ITGBL1: variants seen among roughly 807,000 people sequenced by gnomAD.
ITGBL1 encodes the protein integrin beta-like protein 1.
Under a neutral mutation model 68.5 loss-of-function variants are expected in ITGBL1, and 51 were observed. That is an observed-to-expected ratio of 0.74 (90% CI 0.59 to 0.94). The LOEUF (loss-of-function observed/expected upper bound fraction) is 0.94. Ranked by LOEUF, ITGBL1 falls within the 40% of genes least tolerant of loss-of-function variation. The probability of loss-of-function intolerance (pLI) is 0.00; values close to 1 mark genes in which losing one functional copy is unlikely to be tolerated. For missense variants in ITGBL1, 649 were observed against 647.4 expected (o/e 1.00, Z -0.03); for synonymous variants, 209 against 227.3 (o/e 0.92, Z 0.72).
At chr13:101,534,927 T>C (rs1279135617) in intron 2 of ITGBL1, among the ~76,000 whole-genome samples, 1 of 152,090 alleles carries the variant, frequency 6.6e-6, no homozygotes, top group Non-Finnish European at 1.5e-5. Flanking sequence ...CATAAGATGT[T>C]CTGGTGGTGC....
At chr13:101,542,439 G>A (rs1020655052) in intron 2 of ITGBL1, among the ~76,000 whole-genome samples, 21 of 152,122 alleles carry the variant, frequency 1.4e-4, no homozygotes, top group South Asian at 2.1e-4. Context: ...TGTAATTTCC[G>A]TTCTTTTACA....
chr13:101,603,104 A>G (rs2030490464), intron 7 of ITGBL1, among the ~76,000 whole-genome samples: 1 of 151,896 alleles, frequency 6.6e-6, no homozygotes, highest in Non-Finnish European at 1.5e-5. Flanking sequence ...TGTGAGTGGA[A>G]TTGCTGGGTC....
At chr13:101,702,948 C>G (rs186566715) in intron 8 of ITGBL1, among the ~76,000 whole-genome samples, 8 of 152,264 alleles carry the variant, frequency 5.3e-5, no homozygotes, top group Non-Finnish European at 1.0e-4. Flanking sequence ...TGGCTCTACT[C>G]TACAGTTTGA....
At chr13:101,650,545 T>C (rs754620876) in intron 7 of ITGBL1, among the ~76,000 whole-genome samples, 1 of 152,064 alleles carries the variant, frequency 6.6e-6, no homozygotes, top group South Asian at 2.1e-4. Flanking sequence ...TGATTTAAAA[T>C]GCAAATTTTG....
chr13:101,481,108 G>A (rs1174911374), intron 2 of ITGBL1, among the ~76,000 whole-genome samples: 1 of 140,216 alleles, frequency 7.1e-6, no homozygotes, highest in Non-Finnish European at 1.5e-5. Flanking sequence ...ACACGTGCAT[G>A]TATATACACA....
At chr13:101,679,319 TA>T (rs2033585441) in intron 7 of ITGBL1, among the ~76,000 whole-genome samples, 1 of 152,246 alleles carries the variant, frequency 6.6e-6, no homozygotes, top group Admixed American at 6.5e-5. Flanking sequence ...TCTCATAAAG[TA>T]ATTTTATGGT....
At position 101,707,501 on chromosome 13, in the gene ITGBL1, C is replaced by A. The variant is rs191496359; in HGVS notation, c.1279+599C>A. ...ATGGAATTTTCTTTGCCCTAAAAAT[C>A]ACCAATTGTTCCAAGTAAACATGTG... On this transcript the variant is annotated intron_variant, in intron 9 of 10. Transcript: ENST00000376180. Among the ~76,000 whole-genome samples the A allele has an allele frequency of 2.0e-3, 300 of 152,202 alleles. 2 individuals carry two copies. The highest frequency in any genetic ancestry group is 2.9e-3 in the Non-Finnish European group (197 of 67,998).
intron 2 of ITGBL1, among the ~76,000 whole-genome samples, chr13:101,540,789 G>C (rs1490255216): frequency 4.6e-5 from 7 of 151,110 alleles, no homozygotes; most frequent in South Asian, 4.2e-4. Flanking sequence ...AAGTTGGATT[G>C]CTAGGTATTT....
intron 8 of ITGBL1, among the ~76,000 whole-genome samples, chr13:101,703,209 A>G (rs956116560): frequency 2.0e-5 from 3 of 152,066 alleles, no homozygotes; most frequent in Non-Finnish European, 2.9e-5. Context: ...AGAAATTCAG[A>G]GGAGAGACAA....
chr13:101,514,970 T>G (rs1227039885), intron 2 of ITGBL1, among the ~76,000 whole-genome samples: 1 of 152,096 alleles, frequency 6.6e-6, no homozygotes, highest in East Asian at 1.9e-4. Context: ...TAACATAAAG[T>G]TCACCATCAA....
intron 2 of ITGBL1, among the ~76,000 whole-genome samples, chr13:101,456,273 C>T (rs991558465): frequency 2.6e-5 from 4 of 152,166 alleles, no homozygotes; most frequent in African/African-American, 9.7e-5. Flanking sequence ...AAAACTTACT[C>T]TACAGGGCCT....
chr13:101,660,652 A>G (rs905375567), intron 7 of ITGBL1, among the ~76,000 whole-genome samples: 1 of 152,148 alleles, frequency 6.6e-6, no homozygotes, highest in Non-Finnish European at 1.5e-5. Flanking sequence ...GGCTATTATC[A>G]TTTAAACTAT....
intron 6 of ITGBL1, among the ~76,000 whole-genome samples, chr13:101,590,670 T>C (rs1225066234): frequency 6.6e-6 from 1 of 152,188 alleles, no homozygotes; most frequent in African/African-American, 2.4e-5. Flanking sequence ...TGTCAGCATG[T>C]TCTGTACTTT....
intron 2 of ITGBL1, among the ~76,000 whole-genome samples, chr13:101,529,897 A>G (rs1344628774): frequency 6.6e-6 from 1 of 152,192 alleles, no homozygotes; most frequent in Admixed American, 6.6e-5. Flanking sequence ...TCTTTTTGGC[A>G]GTGTGAAAAC....
chr13:101,640,682 A>AAAC (rs1192390801), intron 7 of ITGBL1, among the ~76,000 whole-genome samples: 14 of 152,260 alleles, frequency 9.2e-5, no homozygotes. Flanking sequence ...ACATGGGTAC[A>AAAC]CTGTGTGATG....
At chr13:101,458,426 G>A (rs1410754099) in intron 2 of ITGBL1, among the ~76,000 whole-genome samples, 1 of 152,170 alleles carries the variant, frequency 6.6e-6, no homozygotes, top group African/African-American at 2.4e-5. Flanking sequence ...GAGCTGTAAG[G>A]AAAGTAATAA....
chr13:101,500,797 G>A (rs992052153), intron 2 of ITGBL1, among the ~76,000 whole-genome samples: 1 of 152,136 alleles, frequency 6.6e-6, no homozygotes, highest in East Asian at 1.9e-4. Flanking sequence ...GGATACACAT[G>A]TAAGTCCTTT....
At chr13:101,489,000 AGGAGGTGTG>A (rs1434677949) in intron 2 of ITGBL1, among the ~76,000 whole-genome samples, 1 of 152,194 alleles carries the variant, frequency 6.6e-6, no homozygotes, top group Non-Finnish European at 1.5e-5. Context: ...TAAAGAAGCT[AGGAGGTGTG>A]GTTATTTTGC....
intron 2 of ITGBL1, among the ~76,000 whole-genome samples, chr13:101,518,493 C>T (rs1037779563): frequency 6.6e-6 from 1 of 152,114 alleles, no homozygotes; most frequent in African/African-American, 2.4e-5. Context: ...TTATCTTAAT[C>T]TAATCAGTGT....
Sources: gnomAD v4.1 joint callset for allele counts (sites outside exome capture counted in the v4.1 genomes callset) on GRCh38, gnomAD v4.1.1 for gene constraint, MANE v1.5 for transcripts, NCBI Gene and HGNC (gene_info 2026-07-23, HGNC 2026-07-21) for gene names.